MESP1: variants seen among roughly 807,000 people sequenced by gnomAD.
MESP1 encodes the protein mesoderm posterior bHLH transcription factor 1, also known as mesoderm posterior protein 1.
A neutral mutation model predicts 15.2 loss-of-function variants in MESP1; 22 were observed. The observed-to-expected ratio is 1.45, with a 90% confidence interval of 1.04 to 2.07. The LOEUF (loss-of-function observed/expected upper bound fraction) is 2.07. Ranked by LOEUF, MESP1 falls within the 30% of genes most tolerant of loss-of-function variation. MESP1 has a pLI of 0.00. For synonymous variants in MESP1, 216 were observed against 192.6 expected (o/e 1.12, Z -1.01); for missense variants, 484 against 411.9 (o/e 1.17, Z -1.51).
chr15:89,750,748 C>T lies in MESP1; in HGVS notation c.484G>A (p.Gly162Ser), dbSNP rs2141755511. The stretch of plus-strand genomic sequence containing the variant: ...CAGTCGTCGGGGCACAGCGGGCAGC[C>T]CCGAGGGGACCCCGCGTCACCGCGC... ...RQRGDAGSPR[G>S]CPLCPDDCPA... The change falls in exon 1 of 2, where the codon GGC becomes AGC. Residue 162 changes from glycine (G) to serine (S), a missense_variant. Physicochemically the swap from Gly to Ser is moderately conservative, Grantham distance 56. Coordinates refer to ENST00000300057, the MANE Select transcript of MESP1 (RefSeq NM_018670.4). 2.7e-6 allele frequency: 4 copies of T among 1,472,416 alleles called. No homozygotes were observed. Among genetic ancestry groups the T allele is most frequent in the Non-Finnish European group, 3.6e-6 (4 of 1,116,478 alleles). The allele number at this position is 1,472,416 out of a possible 1,614,324, so 91.2% of individuals were successfully genotyped here. A position where few individuals can be genotyped will look rare whatever the true frequency, so the allele number is the denominator to read the frequency against.
downstream of MESP1, among the ~76,000 whole-genome samples, chr15:89,748,052 C>G (rs904314216): frequency 6.6e-6 from 1 of 152,242 alleles, no homozygotes; most frequent in East Asian, 1.9e-4. Flanking sequence ...TGCTAATAAA[C>G]ACTGGGCCAC....
Position 89,751,203 on chromosome 15 carries a change from G to A in MESP1, c.29C>T (p.Ser10Phe). 7.9e-7 allele frequency: 1 copy of A among 1,257,966 alleles called. No individual in the cohort carries two copies. 77.9% of individuals were successfully genotyped at this position (1,257,966 alleles called of 1,614,324 possible). Residue 10 changes from serine (S) to phenylalanine (F), a missense_variant, in exon 1 of 2, where the codon TCC becomes TTC. Ser to Phe is a radical substitution (Grantham distance 155). Transcript: ENST00000300057. ...GGCCGCAGAGAGCATCCAGGACTCG[G>A]AGAGCGGCGGGCACAGGGGCTGGGC... MAQPLCPPL[S>F]ESWMLSAAWG...
chr15:89,743,726 C>T, the MESP1 span: 1,954 of 289,896 alleles, frequency 6.7e-3, 46 homozygotes, highest in Non-Finnish European at 5.0e-3. Flanking sequence ...CCAGAGTCCT[C>T]GGCCTGGTGA....
chr15:89,737,715 GT>G, the MESP1 span: 1 of 1,614,182 alleles, frequency 6.2e-7, no homozygotes, highest in South Asian at 1.1e-5. Flanking sequence ...GACCATCCAT[GT>G]TTCCTGCTCC....
Position 89,751,005 on chromosome 15 carries a change from C to A in MESP1, c.227G>T (p.Ser76Ile). 1.5e-6 allele frequency: 2 copies of A among 1,367,336 alleles called. No homozygotes were observed. Among genetic ancestry groups the A allele is most frequent in the Non-Finnish European group, 1.9e-6 (2 of 1,067,666 alleles). The allele number at this position is 1,367,336 out of a possible 1,614,324, so 84.7% of individuals were successfully genotyped here. A position where few individuals can be genotyped will look rare whatever the true frequency, so the allele number is the denominator to read the frequency against. The change falls in exon 1 of 2, where the codon AGC becomes ATC. Residue 76 changes from serine (S) to isoleucine (I), a missense_variant. Physicochemically the swap from Ser to Ile is moderately radical, Grantham distance 142 (BLOSUM62 -2). Coordinates refer to ENST00000300057, the MANE Select transcript of MESP1 (RefSeq NM_018670.4). ...CCTCTGCCCGCTGCCCAGGCGGCTGCTGCGCGCGCCGCGCCTACCTACGGA... is the reference window on the plus strand; with the variant it reads ...CCTCTGCCCGCTGCCCAGGCGGCTGATGCGCGCGCCGCGCCTACCTACGGA... ...APSVGRRGAR[S>I]SRLGSGQRQS...
At chr15:89,733,051 A>G in the MESP1 span, 1 of 1,614,184 alleles carries the variant, frequency 6.2e-7, no homozygotes, top group Non-Finnish European at 8.5e-7. Flanking sequence ...TGTTTCTGCC[A>G]AAGCATTCAC....
At position 89,750,944 on chromosome 15, in the gene MESP1, G is replaced by A. The variant is rs1439539663; in HGVS notation, c.288C>T (p.Arg96=). ...SASEREKLRM[R]TLARALHELR... ...GCTCGTGCAGGGCGCGGGCCAGCGTGCGCATGCGCAGTTTCTCCCGCTCAC... is the reference window on the plus strand; with the variant it reads ...GCTCGTGCAGGGCGCGGGCCAGCGTACGCATGCGCAGTTTCTCCCGCTCAC... The change falls in exon 1 of 2, where the codon CGC becomes CGT. Residue 96 remains arginine (R), a synonymous_variant. Transcript: ENST00000300057. 3 of 1,450,466 alleles carry A rather than the reference G, an allele frequency of 2.1e-6. No homozygotes were observed. Among genetic ancestry groups the A allele is most frequent in the Non-Finnish European group, 1.8e-6 (2 of 1,105,432 alleles). The allele number at this position is 1,450,466 out of a possible 1,614,324, so 89.8% of individuals were successfully genotyped here.
chr15:89,746,688 C>G, downstream of MESP1, among the ~76,000 whole-genome samples: 1 of 147,366 alleles, frequency 6.8e-6, no homozygotes, highest in Non-Finnish European at 1.5e-5. Context: ...CGCACCTCCA[C>G]ACACACACAC....
At chr15:89,733,814 T>C in the MESP1 span, among the ~76,000 whole-genome samples, 1 of 152,168 alleles carries the variant, frequency 6.6e-6, no homozygotes, top group East Asian at 1.9e-4. Flanking sequence ...TTATACATTA[T>C]CCAGTTTCAG....
chr15:89,750,111 G>A lies in MESP1; in HGVS notation c.*33C>T. On this transcript the variant is annotated 3_prime_UTR_variant, in exon 2 of 2. Transcript: ENST00000300057. ...GAAGGTGCTGAGGCCAAAAAGCCTC[G>A]GTGCTCACAGAGACGGCGTCAGTTG... is the stretch of plus-strand genomic sequence containing the variant. 1.2e-6 allele frequency: 2 copies of A among 1,607,170 alleles called. No homozygotes were observed. The highest frequency in any genetic ancestry group is 1.7e-4 in the Middle Eastern group (1 of 6,046).
chr15:89,750,468 G>C (rs984434495), intron 1 of MESP1, 41 bp downstream of exon 1: 2 of 1,474,260 alleles, frequency 1.4e-6, no homozygotes, highest in Admixed American at 2.4e-5. Context: ...GGCTGTGCGC[G>C]GGGGCACGGA....
the MESP1 span, among the ~76,000 whole-genome samples, chr15:89,741,583 C>A: frequency 1.3e-5 from 2 of 152,066 alleles, no homozygotes; most frequent in African/African-American, 4.8e-5. Context: ...GAGTTAAGGT[C>A]AAAAATATAA....
the MESP1 span, chr15:89,737,622 A>G: frequency 2.5e-6 from 4 of 1,614,098 alleles, no homozygotes; most frequent in Middle Eastern, 1.6e-4. Context: ...GATGTGGCCA[A>G]GCGTGAAATC....
At chr15:89,734,001 G>T in the MESP1 span, among the ~76,000 whole-genome samples, 1 of 151,524 alleles carries the variant, frequency 6.6e-6, no homozygotes. Flanking sequence ...TAATGTGTGT[G>T]TGTGTGTGTG....
downstream of MESP1, among the ~76,000 whole-genome samples, chr15:89,746,785 CT>C: frequency 7.3e-6 from 1 of 137,374 alleles, no homozygotes; most frequent in African/African-American, 3.1e-5. Context: ...ACAGCCCTAC[CT>C]CCCCACACAC....
intron 1 of MESP1, 60 bp downstream of exon 1, chr15:89,750,449 G>A: frequency 2.1e-6 from 3 of 1,463,254 alleles, no homozygotes; most frequent in South Asian, 1.4e-5. Flanking sequence ...TCACCTTGGC[G>A]GGCGGTGGGG....
In MESP1 at chr15:89,751,198, A is replaced by G; in HGVS notation, c.34T>C (p.Ser12Pro). 2 of 1,262,192 alleles carry G rather than the reference A, an allele frequency of 1.6e-6. No individual in the cohort carries two copies. Among genetic ancestry groups the G allele is most frequent in the Non-Finnish European group, 2.0e-6 (2 of 1,005,578 alleles). The allele number at this position is 1,262,192 out of a possible 1,614,324, so 78.2% of individuals were successfully genotyped here. A position where few individuals can be genotyped will look rare whatever the true frequency, so the allele number is the denominator to read the frequency against. The change falls in exon 1 of 2, where the codon TCC (serine) becomes CCC (proline). Residue 12 changes from serine to proline, a missense_variant. Transcript: ENST00000300057. ...AQPLCPPLSE[S>P]WMLSAAWGPT... The stretch of plus-strand genomic sequence containing the variant: ...CCCCAGGCCGCAGAGAGCATCCAGG[A>G]CTCGGAGAGCGGCGGGCACAGGGGC...
chr15:89,750,307 CA>C (rs1440283522), intron 1 of MESP1, 80 bp from the exon 2 acceptor site: 10 of 1,579,420 alleles, frequency 6.3e-6, no homozygotes, highest in African/African-American at 2.7e-5. Context: ...GCTCCACTCT[CA>C]GGGGGCCCCT....
chr15:89,742,974 A>G, the MESP1 span, among the ~76,000 whole-genome samples: 2 of 152,226 alleles, frequency 1.3e-5, no homozygotes, highest in Non-Finnish European at 2.9e-5. Context: ...GTGTCAGAAC[A>G]TCTTCCTTTT....
Sources: gnomAD v4.1 joint callset for allele counts (sites outside exome capture counted in the v4.1 genomes callset) on GRCh38, gnomAD v4.1.1 for gene constraint, MANE v1.5 for transcripts, NCBI Gene and HGNC (gene_info 2026-07-23, HGNC 2026-07-21) for gene names.